PDLIM2: variants seen among roughly 807,000 people sequenced by gnomAD.
PDLIM2 encodes the protein PDZ and LIM domain protein 2.
Under a neutral mutation model 54.1 loss-of-function variants are expected in PDLIM2, and 51 were observed. The ratio of observed to expected loss-of-function variants is 0.94; its 90% CI spans 0.75 to 1.19. The LOEUF (loss-of-function observed/expected upper bound fraction) is 1.19. Among genes scored for constraint, PDLIM2 ranks in the 50% most tolerant of loss-of-function variants. The pLI, the probability that PDLIM2 is intolerant of heterozygous loss-of-function variation, is 0.00. For synonymous variants in PDLIM2, 398 were observed against 385.6 expected (o/e 1.03, Z -0.38); for missense variants, 912 against 874.0 (o/e 1.04, Z -0.55).
chr8:22,582,464 G>C (rs1405733301), intron 3 of PDLIM2, among the ~76,000 whole-genome samples: 1 of 152,100 alleles, frequency 6.6e-6, no homozygotes, highest in Non-Finnish European at 1.5e-5. Context: ...AGGAGCCTCG[G>C]ACTGTCTCTT....
At chr8:22,583,592 C>T (rs1474548036) in intron 3 of PDLIM2, among the ~76,000 whole-genome samples, 1 of 151,880 alleles carries the variant, frequency 6.6e-6, no homozygotes, top group African/African-American at 2.4e-5. Context: ...ACGGCGAAAC[C>T]CCGTCTCTAC....
intron 1 of PDLIM2, chr8:22,579,548 C>T: frequency 7.6e-6 from 11 of 1,444,180 alleles, no homozygotes; most frequent in Non-Finnish European, 1.0e-5. Context: ...CTCGGGGCGG[C>T]CGCGAGCCGG....
exon 2 of PDLIM2, chr8:22,580,608 G>T: frequency 6.2e-7 from 1 of 1,614,046 alleles, no homozygotes. Context: ...CTCAGGTATG[G>T]CGTTGACGGT....
chr8:22,579,192 G>C lies in PDLIM2; in HGVS notation c.413G>C (p.Trp138Ser), dbSNP rs1201783411. 8 of 1,384,744 alleles carry C rather than the reference G, an allele frequency of 5.8e-6. No individual in the cohort carries two copies. In the African/African-American group the frequency reaches 1.2e-4, roughly 21 times the overall value. The allele number at this position is 1,384,744 out of a possible 1,614,324, so 85.8% of individuals were successfully genotyped here. A position where few individuals can be genotyped will look rare whatever the true frequency, so the allele number is the denominator to read the frequency against. ...CCCGCCTTCCCTCCCTCCCGGGCCT[G>C]GGCGCCCAGCCGGACAGGTGAGCGG... Residue 138 changes from tryptophan to serine, a missense_variant, in exon 1 of 10, where the codon TGG becomes TCG. Transcript: ENST00000308354.
intron 2 of PDLIM2, 21 bp downstream of exon 1, chr8:22,580,718 A>T: frequency 6.2e-7 from 1 of 1,611,952 alleles, no homozygotes; most frequent in Non-Finnish European, 8.5e-7. Flanking sequence ...TGGCTCAAAG[A>T]GATGAGAAGG....
chr8:22,591,264 C>A, intron 8 of PDLIM2: 1 of 500,972 alleles, frequency 2.0e-6, no homozygotes, highest in Non-Finnish European at 3.6e-6. Context: ...ACTGTTATTA[C>A]CAGGTCATTA....
chr8:22,593,679 T>A, intron 9 of PDLIM2, 54 bp from the exon 9 acceptor site: 1 of 1,489,778 alleles, frequency 6.7e-7, no homozygotes, highest in Non-Finnish European at 9.0e-7. Flanking sequence ...CTGGGCATGG[T>A]GGCCTCCTGC....
intron 8 of PDLIM2, chr8:22,590,366 G>C (rs57143834): frequency 1.3e-5 from 2 of 153,546 alleles, no homozygotes; most frequent in African/African-American, 4.8e-5. Flanking sequence ...GACAGACACT[G>C]ACTGTGCCCA....
At chr8:22,584,782 G>C in intron 3 of PDLIM2, 39 bp from the exon 3 acceptor site, 4 of 1,602,052 alleles carry the variant, frequency 2.5e-6, no homozygotes, top group Non-Finnish European at 3.4e-6. Flanking sequence ...GCAGGGTGCA[G>C]GGCCCCTGTG....
chr8:22,583,964 G>A (rs4872514), intron 3 of PDLIM2, among the ~76,000 whole-genome samples: 4 of 146,514 alleles, frequency 2.7e-5, no homozygotes, highest in Admixed American at 6.9e-5. Flanking sequence ...CTACTTTTTA[G>A]AACCAAACTA....
Position 22,581,388 on chromosome 8 carries a change from CG to C in PDLIM2, c.857del (p.Gly286AlafsTer13). 1 of 1,602,204 alleles carries C rather than the reference CG, an allele frequency of 6.2e-7. No homozygotes were observed. Among genetic ancestry groups the C allele is most frequent in the South Asian group, 1.1e-5 (1 of 89,544 alleles). ...CTCCTCATCCCTACAGGTGGCCGAG[CG>C]GGGCAAAGCCAAGGACGCTGACCTC... On this transcript the variant is annotated frameshift_variant, in exon 3 of 10. Transcript: ENST00000308354. LOFTEE classifies it high-confidence loss of function.
At chr8:22,591,593 C>T (rs1276754364) in exon 9 of PDLIM2, 9 of 1,613,582 alleles carry the variant, frequency 5.6e-6, no homozygotes, top group Admixed American at 1.7e-5. Context: ...AGCCCCCAGT[C>T]CTCCCTGCCC....
chr8:22,585,228 G>A, intron 5 of PDLIM2, 66 bp downstream of exon 4: 1 of 1,604,516 alleles, frequency 6.2e-7, no homozygotes, highest in Non-Finnish European at 8.5e-7. Flanking sequence ...GCTCCTCTGA[G>A]TCTCAGGAGC....
At chr8:22,589,684 C>T in exon 8 of PDLIM2, 1 of 1,574,944 alleles carries the variant, frequency 6.3e-7, no homozygotes. Context: ...ACGGGCGGCC[C>T]CCCGACAGTC....
intron 3 of PDLIM2, among the ~76,000 whole-genome samples, chr8:22,581,780 G>C (rs941629450): frequency 6.6e-6 from 1 of 152,264 alleles, no homozygotes; most frequent in Non-Finnish European, 1.5e-5. Context: ...TGGGCAGGGC[G>C]AGCTGGCACC....
downstream of PDLIM2, chr8:22,595,327 G>A (rs1332655937): frequency 6.6e-6 from 1 of 152,242 alleles, no homozygotes; most frequent in Non-Finnish European, 1.5e-5. Context: ...AAAGATCAAG[G>A]CTGTCTGGCG....
At chr8:22,593,665 C>A (rs559794697) in intron 9 of PDLIM2, 68 bp from the exon 9 acceptor site, 50 of 1,426,458 alleles carry the variant, frequency 3.5e-5, no homozygotes, top group Non-Finnish European at 4.6e-5. Flanking sequence ...GGGGACCAGG[C>A]CCCCTGGGCA....
At chr8:22,589,819 C>T in intron 8 of PDLIM2, 78 bp downstream of exon 7, 3 of 1,529,830 alleles carry the variant, frequency 2.0e-6, no homozygotes, top group Admixed American at 2.0e-5. Context: ...GTCAGTGAAC[C>T]AGTGTTCTTA....
At chr8:22,590,463 A>G (rs934706180) in intron 8 of PDLIM2, 7 of 152,284 alleles carry the variant, frequency 4.6e-5, no homozygotes, top group Admixed American at 6.5e-5. Flanking sequence ...ATTGGGGCAG[A>G]TGGGCCTGGC....
Sources: gnomAD v4.1 joint callset for allele counts (sites outside exome capture counted in the v4.1 genomes callset) on GRCh38, gnomAD v4.1.1 for gene constraint, MANE v1.5 for transcripts, NCBI Gene and HGNC (gene_info 2026-07-23, HGNC 2026-07-21) for gene names.